FLG2: variants seen among roughly 807,000 people sequenced by gnomAD.
The protein encoded by FLG2 is filaggrin 2.
FLG2 carries 7 observed loss-of-function variants against 3.9 expected under a neutral mutation model. The observed-to-expected ratio is 1.79, with a 90% CI of 1.02 to 3.36. FLG2 has a LOEUF of 3.36. FLG2 is among the 30% of genes most tolerant of loss of function. The probability of loss-of-function intolerance (pLI) is 0.00; values close to 1 mark genes in which losing one functional copy is unlikely to be tolerated. For missense variants in FLG2, 2,700 were observed against 2,809.4 expected, an observed-to-expected ratio of 0.96 and a Z score of 0.88; for synonymous variants, 1,031 against 1,056.1, an observed-to-expected ratio of 0.98 and a Z score of 0.46.
Position 152,350,364 on chromosome 1 carries a change from A to G in FLG2, c.*246T>C, listed in dbSNP as rs1276471810. 9.4e-6 allele frequency: 5 copies of G among 533,776 alleles called. No homozygotes were observed. The African/African-American group carries it at 9.5e-5, about 10-fold the overall frequency. 33.1% of individuals were successfully genotyped at this position (533,776 alleles called of 1,614,324 possible). On this transcript the variant is annotated 3_prime_UTR_variant, in exon 3 of 3. Transcript: ENST00000388718. ...ATCCAAGGTGGTCATTTGACTGGCT[A>G]TGTGTACATCCCTCCCTTCTGGCTG...
At position 152,349,846 on chromosome 1, in the gene FLG2, C is replaced by T. The variant is rs1429551073; in HGVS notation, c.*764G>A. 6.5e-6 allele frequency: 1 copy of T among 152,968 alleles called. No homozygotes were observed. Among genetic ancestry groups the T allele is most frequent in the Non-Finnish European group, 1.5e-5 (1 of 68,242 alleles). The allele number at this position is 152,968 out of a possible 1,614,324, so 9.5% of individuals were successfully genotyped here. A position where few individuals can be genotyped will look rare whatever the true frequency, so the allele number is the denominator to read the frequency against. On this transcript the variant is annotated 3_prime_UTR_variant, in exon 3 of 3. Transcript: ENST00000388718. ...TTCTGATACCTCCTGACAGACTTGA[C>T]TCTGACTCTTGCCTTTGTCTCCCCC... is the stretch of plus-strand genomic sequence containing the variant.
In FLG2 at chr1:152,350,372, A is replaced by C; in HGVS notation, c.*238T>G. 1.8e-6 allele frequency: 1 copy of C among 566,824 alleles called. No individual in the cohort carries two copies. 35.1% of individuals were successfully genotyped at this position (566,824 alleles called of 1,614,324 possible). Reference sequence around the variant, plus strand: ...TGGTCATTTGACTGGCTATGTGTACATCCCTCCCTTCTGGCTGTGTTATAT... The same window carrying C: ...TGGTCATTTGACTGGCTATGTGTACCTCCCTCCCTTCTGGCTGTGTTATAT... On this transcript the variant is annotated 3_prime_UTR_variant, in exon 3 of 3. Coordinates refer to ENST00000388718, the MANE Select transcript of FLG2 (RefSeq NM_001014342.3).
In FLG2 at chr1:152,352,001, T is replaced by C. The variant is rs779438496; in HGVS notation, c.5785A>G (p.Thr1929Ala). 2 of 1,613,756 alleles carry C rather than the reference T, an allele frequency of 1.2e-6. No homozygotes were observed. The highest frequency in any genetic ancestry group is 1.7e-6 in the Non-Finnish European group (2 of 1,179,952). ...TGACTAGGGTGGCCATGTTCAGTGG[T>C]ATCTCCTGTCTGTCCATGAGTAGTT... The part of the protein sequence containing the change: ...HQTTHGQTGD[T>A]TEHGHPSHGQ... The change falls in exon 3 of 3, where the codon ACC becomes GCC. Residue 1929 changes from threonine to alanine, a missense_variant. Physicochemically the swap from Thr to Ala is moderately conservative, Grantham distance 58. Transcript: ENST00000388718.
Position 152,353,590 on chromosome 1 carries a change from G to A in FLG2, c.4196C>T (p.Thr1399Ile), listed in dbSNP as rs151059513. The change falls in exon 3 of 3, where the codon ACT becomes ATT. Residue 1399 changes from threonine (T) to isoleucine (I), a missense_variant. Thr to Ile is a moderately conservative substitution (Grantham distance 89, BLOSUM62 -1). Coordinates refer to ENST00000388718, the MANE Select transcript of FLG2 (RefSeq NM_001014342.3). ...ETTYGQTGEA[T>I]GHGHSGHGQS... ...TCCATGACCAGAGTGGCCATGTCCA[G>A]TGGCCTCTCCTGTCTGTCCATAAGT... is the stretch of plus-strand genomic sequence containing the variant. 6.6e-5 allele frequency: 106 copies of A among 1,614,018 alleles called. 3 individuals carry two copies. Among genetic ancestry groups the A allele is most frequent in the East Asian group, 3.6e-4 (16 of 44,854 alleles).
chr1:152,357,124 T>C lies in FLG2; in HGVS notation c.662A>G (p.Glu221Gly). The change falls in exon 3 of 3, where the codon GAG becomes GGG. Residue 221 changes from glutamate (E) to glycine (G), a missense_variant. Coordinates refer to ENST00000388718, the MANE Select transcript of FLG2 (RefSeq NM_001014342.3). ...SHISPSRESGEEYESGSGSNS... is the reference protein window; with the variant it reads ...SHISPSRESGGEYESGSGSNS... The stretch of plus-strand genomic sequence containing the variant: ...TGATCCAGATCCAGATTCATACTCC[T>C]CCCCAGATTCCCTAGAAGGGCTAAT... 1 of 1,614,166 alleles carries C rather than the reference T, an allele frequency of 6.2e-7. No individual in the cohort carries two copies. Among genetic ancestry groups the C allele is most frequent in the South Asian group, 1.1e-5 (1 of 91,072 alleles).
Position 152,352,418 on chromosome 1 carries a change from G to T in FLG2, c.5368C>A (p.Gln1790Lys), listed in dbSNP as rs780954299. ...CTTCCAGTGGTCCTGGACCCTGTCT[G>T]TGTGGACTGTCCATGACCAGAGTGG... ...HAHSGHGQST[Q>K]TGSRTTGRRS... The change falls in exon 3 of 3, where the codon CAG becomes AAG. Residue 1790 changes from glutamine (Q) to lysine (K), a missense_variant. Coordinates refer to ENST00000388718, the MANE Select transcript of FLG2 (RefSeq NM_001014342.3). 2 of 1,613,738 alleles carry T rather than the reference G, an allele frequency of 1.2e-6. No individual in the cohort carries two copies. Among genetic ancestry groups the T allele is most frequent in the Admixed American group, 1.7e-5 (1 of 59,978 alleles).
chr1:152,356,468 A>G lies in FLG2; in HGVS notation c.1318T>C (p.Ser440Pro). 6.2e-7 allele frequency: 1 copy of G among 1,614,278 alleles called. No homozygotes were observed. Among genetic ancestry groups the G allele is most frequent in the South Asian group, 1.1e-5 (1 of 91,086 alleles). ...EQHGTGLSQSSGFEQHVCGSG... is the reference protein window; with the variant it reads ...EQHGTGLSQSPGFEQHVCGSG... ...CCACATACATGTTGTTCGAACCCAG[A>G]GGACTGACTCAAGCCTGTTCCATGT... The change falls in exon 3 of 3, where the codon TCT becomes CCT. Residue 440 changes from serine (S) to proline (P), a missense_variant. Physicochemically the swap from Ser to Pro is moderately conservative, Grantham distance 74 (BLOSUM62 -1). Transcript: ENST00000388718.
Position 152,355,219 on chromosome 1 carries a change from G to C in FLG2, c.2567C>G (p.Ser856Cys). 1 of 1,610,554 alleles carries C rather than the reference G, an allele frequency of 6.2e-7. No individual in the cohort carries two copies. The highest frequency in any genetic ancestry group is 8.5e-7 in the Non-Finnish European group (1 of 1,179,086). ...ACTTGACCCATGTTGACCATAGCCA[G>C]ATGATTGACTTGAGCCAGAACCATG... Reference protein sequence around the residue: ...GQHGSGSSQSSGYGQHGSSSG... With the variant: ...GQHGSGSSQSCGYGQHGSSSG... The change falls in exon 3 of 3, where the codon TCT becomes TGT. Residue 856 changes from serine (S) to cysteine (C), a missense_variant. Transcript: ENST00000388718.
chr1:152,358,771 CTCCAGAAGTTCCTTTA>C lies in FLG2; in HGVS notation c.98_113del (p.Leu33ArgfsTer8). The C allele has an allele frequency of 6.2e-7, 1 of 1,613,742 alleles. No homozygotes were observed. Among genetic ancestry groups the C allele is most frequent in the Non-Finnish European group, 8.5e-7 (1 of 1,179,826 alleles). On this transcript the variant is annotated frameshift_variant, in exon 2 of 3. Transcript: ENST00000388718. LOFTEE classifies it low-confidence loss of function (END_TRUNC). ...CCTTCAGAACTGGATGAAGCTCTTTCTCCAGAAGTTCCTTTAGTTCACCCTTGCTCAGTGTGCCACA... is the reference window on the plus strand; with the variant it reads ...CCTTCAGAACTGGATGAAGCTCTTTCGTTCACCCTTGCTCAGTGTGCCACA...
chr1:152,356,167 T>G lies in FLG2; in HGVS notation c.1619A>C (p.Gln540Pro), dbSNP rs143787088. 6.2e-7 allele frequency: 1 copy of G among 1,614,052 alleles called. No individual in the cohort carries two copies. The highest frequency in any genetic ancestry group is 1.7e-5 in the Admixed American group (1 of 60,018). ...AGAACCATGTTGGCCATAGCTAGAC[T>G]GACGTGATCTAGACTCATGTTGTCC... The part of the protein sequence containing the change: ...GFGQHESRSR[Q>P]SSYGQHGSGS... Residue 540 changes from glutamine to proline, a missense_variant, in exon 3 of 3, where the codon CAG becomes CCG. Gln to Pro is a moderately conservative substitution (Grantham distance 76). Coordinates refer to ENST00000388718, the MANE Select transcript of FLG2 (RefSeq NM_001014342.3).
At position 152,358,899 on chromosome 1, in the gene FLG2, A is replaced by C. The variant is rs778151976; in HGVS notation, c.-15T>G. On this transcript the variant is annotated 5_prime_UTR_variant, in exon 2 of 3. Transcript: ENST00000388718. ...AGGTCGGTCATCTTTTTGCAAGTTT[A>C]AGTGAACCTGGACACAGAAAAACAA... 10 of 1,610,448 alleles carry C rather than the reference A, an allele frequency of 6.2e-6. No individual in the cohort carries two copies. The highest frequency in any genetic ancestry group is 7.6e-6 in the Non-Finnish European group (9 of 1,178,758).
At position 152,350,647 on chromosome 1, in the gene FLG2, G is replaced by A. The variant is rs1653869639; in HGVS notation, c.7139C>T (p.Thr2380Ile). The A allele has an allele frequency of 1.2e-6, 2 of 1,614,038 alleles. No individual in the cohort carries two copies. Among genetic ancestry groups the A allele is most frequent in the Admixed American group, 1.7e-5 (1 of 60,014 alleles). The change falls in exon 3 of 3, where the codon ACA (threonine) becomes ATA (isoleucine). Residue 2380 changes from threonine to isoleucine, a missense_variant. By Grantham distance (89) the Thr-to-Ile change is moderately conservative. Coordinates refer to ENST00000388718, the MANE Select transcript of FLG2 (RefSeq NM_001014342.3). ...SISNSHLSWS[T>I]DSTANKQLSR... ...CAGTTGCTTGTTTGCAGTGCTGTCTGTTGACCATGAAAGGTGAGAATTACT... is the reference window on the plus strand; with the variant it reads ...CAGTTGCTTGTTTGCAGTGCTGTCTATTGACCATGAAAGGTGAGAATTACT...
chr1:152,358,396 C>T (rs142759301), intron 2 of FLG2, among the ~76,000 whole-genome samples: 6 of 152,134 alleles, frequency 3.9e-5, no homozygotes, highest in Admixed American at 2.0e-4. Context: ...TTTGTCAACT[C>T]CCTATGTAGA....
Position 152,354,896 on chromosome 1 carries a change from G to T in FLG2, c.2890C>A (p.His964Asn). Residue 964 changes from histidine to asparagine, a missense_variant, in exon 3 of 3, where the codon CAT becomes AAT. Transcript: ENST00000388718. Reference sequence around the variant, plus strand: ...GAGGACTGACCTGAGCCTGATCCATGTTGGCCAAAGCCAGAGGATTGACCT... The same window carrying T: ...GAGGACTGACCTGAGCCTGATCCATTTTGGCCAAAGCCAGAGGATTGACCT... ...GSGQSSGFGQ[H>N]GSGSGQSSGF... 6.2e-7 allele frequency: 1 copy of T among 1,612,312 alleles called. No individual in the cohort carries two copies.
At position 152,354,084 on chromosome 1, in the gene FLG2, C is replaced by T; in HGVS notation, c.3702G>A (p.Gly1234=). The stretch of plus-strand genomic sequence containing the variant: ...TCTGACCATGAGTAGTTTCCTGTCT[C>T]CCATGAACTGTGGATCCTGACTCTA... The part of the protein sequence containing the change: ...QQVESGSTVH[G]RQETTHGQTI... Residue 1234 remains glycine (G), a synonymous_variant, in exon 3 of 3, where the codon GGG becomes GGA. Coordinates refer to ENST00000388718, the MANE Select transcript of FLG2 (RefSeq NM_001014342.3). 4 of 1,614,216 alleles carry T rather than the reference C, an allele frequency of 2.5e-6. No individual in the cohort carries two copies. Among genetic ancestry groups the T allele is most frequent in the Non-Finnish European group, 3.4e-6 (4 of 1,180,036 alleles).
In FLG2 at chr1:152,352,081, C is replaced by A; in HGVS notation, c.5705G>T (p.Ser1902Ile). 6.2e-7 allele frequency: 1 copy of A among 1,613,502 alleles called. No homozygotes were observed. The highest frequency in any genetic ancestry group is 8.5e-7 in the Non-Finnish European group (1 of 1,179,842). ...CTCTCCATGTTGAGACCTGGCTTGG[C>A]TGTGTGTGTGTCCTGAATGTGTATG... ...GSHTHSGHTH[S>I]QARSQHGESE... The change falls in exon 3 of 3, where the codon AGC (serine) becomes ATC (isoleucine). Residue 1902 changes from serine to isoleucine, a missense_variant. Transcript: ENST00000388718.
intron 1 of FLG2, among the ~76,000 whole-genome samples, chr1:152,359,628 C>G (rs567282970): frequency 6.6e-6 from 1 of 152,272 alleles, no homozygotes; most frequent in South Asian, 2.1e-4. Context: ...CTGCAACAGA[C>G]CCAGCTGCCT....
chr1:152,359,155 A>G lies in FLG2; in HGVS notation c.-22-249T>C, dbSNP rs80303805. Among the ~76,000 whole-genome samples, 218 of 152,286 alleles carry G rather than the reference A, an allele frequency of 1.4e-3. 7 individuals carry two copies. The East Asian group carries it at 0.029, about 21-fold the overall frequency. ...AACTGAGAATAGACCTCAAGTCTCT[A>G]TATTTCCTGTCATGGGTAAGTATAG... On this transcript the variant is annotated intron_variant, in intron 1 of 2. Transcript: ENST00000388718.
chr1:152,351,810 C>T lies in FLG2; in HGVS notation c.5976G>A (p.Glu1992=). ...TTTGTCCATGAGTAGTTCCGTGTCTCTCATGAACTGAGGATCCTGACTCTG... is the reference window on the plus strand; with the variant it reads ...TTTGTCCATGAGTAGTTCCGTGTCTTTCATGAACTGAGGATCCTGACTCTG... ...HYPESGSSVH[E]RHGTTHGQTA... Residue 1992 remains glutamate, a synonymous_variant, in exon 3 of 3, where the codon GAG becomes GAA. Coordinates refer to ENST00000388718, the MANE Select transcript of FLG2 (RefSeq NM_001014342.3). 1.2e-6 allele frequency: 2 copies of T among 1,612,586 alleles called. No homozygotes were observed. Among genetic ancestry groups the T allele is most frequent in the African/African-American group, 1.4e-5 (1 of 74,030 alleles).
Sources: allele counts gnomAD v4.1 joint callset (sites outside exome capture counted in the v4.1 genomes callset), GRCh38; gene constraint gnomAD v4.1.1; transcripts MANE v1.5; gene names NCBI Gene and HGNC (gene_info 2026-07-23, HGNC 2026-07-21).